Variants in DCLK1 observed in about 807,000 individuals in gnomAD.
The protein encoded by DCLK1 is serine/threonine-protein kinase DCLK1.
In DCLK1, 16 loss-of-function variants were observed where a neutral mutation model predicts 86.2. The observed-to-expected ratio is 0.19, with a 90% CI of 0.13 to 0.28. The LOEUF (loss-of-function observed/expected upper bound fraction) is 0.28, where lower values mean the gene tolerates loss of function less well. Ranked by LOEUF, DCLK1 falls within the 10% of genes least tolerant of loss-of-function variation. The pLI is 1.00. For synonymous variants in DCLK1, 369 were observed against 370.5 expected (o/e 1.00, Z 0.05); for missense variants, 590 against 940.2 (o/e 0.63, Z 4.87).
intron 14 of DCLK1, 32 bp from the exon 15 acceptor site, chr13:35,805,811 T>C (rs2087016193): frequency 6.3e-7 from 1 of 1,596,232 alleles, no homozygotes; most frequent in Non-Finnish European, 8.6e-7. Flanking sequence ...TCCATTTATC[T>C]GAATTTAAGG....
chr13:35,776,478 T>G (rs1480575211), intron 16 of DCLK1, among the ~76,000 whole-genome samples: 1 of 152,324 alleles, frequency 6.6e-6, no homozygotes, highest in East Asian at 1.9e-4. Flanking sequence ...ACAGAGGCAG[T>G]CAGATGTGGG....
At chr13:35,882,156 C>A (rs145439937) in intron 4 of DCLK1, among the ~76,000 whole-genome samples, 1 of 152,244 alleles carries the variant, frequency 6.6e-6, no homozygotes, top group African/African-American at 2.4e-5. Context: ...CGTTCCTTGT[C>A]GCTTATAGTT....
At chr13:35,857,591 C>T (rs1364943595) in intron 5 of DCLK1, among the ~76,000 whole-genome samples, 2 of 152,252 alleles carry the variant, frequency 1.3e-5, no homozygotes, top group African/African-American at 4.8e-5. Flanking sequence ...CTCTCTGCCG[C>T]ATCTCCTTTG....
At chr13:35,846,300 C>G (rs185631602) in intron 6 of DCLK1, 1 of 985,108 alleles carries the variant, frequency 1.0e-6, no homozygotes, top group South Asian at 4.7e-5. Flanking sequence ...AAAATAAACT[C>G]AATTCCTTGC....
At chr13:36,119,747 C>T (rs574904656) in intron 2 of DCLK1, among the ~76,000 whole-genome samples, 1 of 152,212 alleles carries the variant, frequency 6.6e-6, no homozygotes, top group South Asian at 2.1e-4. Context: ...ACTGAAGAAC[C>T]GTCATAGCTT....
intron 3 of DCLK1, among the ~76,000 whole-genome samples, chr13:35,985,349 G>A (rs1366264013): frequency 6.6e-6 from 1 of 150,642 alleles, no homozygotes; most frequent in South Asian, 2.1e-4. Context: ...AGGCCCTTTA[G>A]AAAATCTGAC....
intron 4 of DCLK1, among the ~76,000 whole-genome samples, chr13:35,909,146 C>T (rs971507757): frequency 1.3e-5 from 2 of 152,128 alleles, no homozygotes; most frequent in African/African-American, 2.4e-5. Flanking sequence ...CAATAGCACC[C>T]GGGAGCGGCA....
intron 3 of DCLK1, among the ~76,000 whole-genome samples, chr13:36,027,761 C>T (rs1436297208): frequency 6.6e-6 from 1 of 152,180 alleles, no homozygotes; most frequent in Non-Finnish European, 1.5e-5. Context: ...GAGACAAGGT[C>T]TTGCTCTGTC....
At chr13:36,093,866 C>G (rs1435286658) in intron 3 of DCLK1, among the ~76,000 whole-genome samples, 1 of 152,130 alleles carries the variant, frequency 6.6e-6, no homozygotes, top group Non-Finnish European at 1.5e-5. Context: ...ACCTGTCTTA[C>G]ATATTTTCAG....
chr13:35,867,085 C>A (rs974103541), intron 5 of DCLK1, among the ~76,000 whole-genome samples: 2 of 152,176 alleles, frequency 1.3e-5, no homozygotes, highest in Non-Finnish European at 2.9e-5. Context: ...ACAATCCACA[C>A]ATTTGTGACT....
chr13:35,849,202 G>A (rs1237898470), intron 6 of DCLK1: 3 of 985,170 alleles, frequency 3.0e-6, no homozygotes, highest in Non-Finnish European at 3.6e-6. Flanking sequence ...CTTGTAAAGT[G>A]AGATGGTAAC....
intron 5 of DCLK1, among the ~76,000 whole-genome samples, chr13:35,870,139 A>G (rs1158019975): frequency 6.6e-6 from 1 of 152,106 alleles, no homozygotes; most frequent in Non-Finnish European, 1.5e-5. Flanking sequence ...TCTGAAACGT[A>G]TTTCCTGACT....
chr13:35,792,853 C>T (rs1291930904), intron 16 of DCLK1, among the ~76,000 whole-genome samples: 1 of 152,182 alleles, frequency 6.6e-6, no homozygotes. Context: ...AGGAGCAAGA[C>T]ATCGTGACTT....
At chr13:35,863,269 C>A (rs955312584) in intron 5 of DCLK1, among the ~76,000 whole-genome samples, 3 of 152,206 alleles carry the variant, frequency 2.0e-5, no homozygotes, top group African/African-American at 7.2e-5. Flanking sequence ...TCTCTCCCTA[C>A]TATAATATAA....
intron 3 of DCLK1, among the ~76,000 whole-genome samples, chr13:36,046,061 G>A (rs1853455725): frequency 6.6e-6 from 1 of 151,576 alleles, no homozygotes; most frequent in South Asian, 2.1e-4. Context: ...ATAAGATTCA[G>A]GAAGAATATC....
chr13:36,083,832 T>C (rs1047974859), intron 3 of DCLK1, among the ~76,000 whole-genome samples: 3 of 152,158 alleles, frequency 2.0e-5, no homozygotes, highest in Admixed American at 6.5e-5. Flanking sequence ...AAGAGAAAAC[T>C]TTTTCTTTAA....
rs776065878 is a variant in DCLK1 at position 36,125,781 on chromosome 13, G to C, written c.357C>G (p.Ser119Arg). 1 of 1,613,816 alleles carries C rather than the reference G, an allele frequency of 6.2e-7. No individual in the cohort carries two copies. The highest frequency in any genetic ancestry group is 1.1e-5 in the South Asian group (1 of 91,066). The part of the protein sequence containing the change: ...YTIDGLKKIS[S>R]LDQLVEGESY... The stretch of plus-strand genomic sequence containing the variant: ...GCTCACCTTCCACCAGTTGGTCCAG[G>C]CTGGAAATCTTCTTGAGCCCATCAA... Residue 119 changes from serine to arginine, a missense_variant, in exon 2 of 17, where the codon AGC (serine) becomes AGG (arginine). This residue lies in a region of DCLK1 where 195 missense variants were observed against 365.1 expected (regional missense o/e 0.53). Transcript: ENST00000360631.
At chr13:36,065,734 G>A (rs1391391133) in intron 3 of DCLK1, among the ~76,000 whole-genome samples, 1 of 152,106 alleles carries the variant, frequency 6.6e-6, no homozygotes, top group Non-Finnish European at 1.5e-5. Flanking sequence ...AGACTCATCT[G>A]GCTAATTTGG....
At chr13:35,920,194 A>G (rs924668476) in intron 4 of DCLK1, among the ~76,000 whole-genome samples, 50 of 152,348 alleles carry the variant, frequency 3.3e-4, no homozygotes, top group African/African-American at 1.0e-3. Context: ...CTATGTCCAC[A>G]TCTTCAACCT....
Sources: gnomAD v4.1 joint callset for allele counts (sites outside exome capture counted in the v4.1 genomes callset) on GRCh38, gnomAD v4.1.1 for gene constraint, gnomAD v4.1.1 regional missense constraint, MANE v1.5 for transcripts, NCBI Gene and HGNC (gene_info 2026-07-23, HGNC 2026-07-21) for gene names.